Variants in SHANK1 observed in about 807,000 individuals in gnomAD.
SHANK1 encodes SH3 and multiple ankyrin repeat domains protein 1.
Under a neutral mutation model 165.6 loss-of-function variants are expected in SHANK1, and 35 were observed. That is an observed-to-expected ratio of 0.21 (90% CI 0.16 to 0.28). SHANK1 has a LOEUF of 0.28. Among genes scored for constraint, SHANK1 ranks in the 10% least tolerant of loss-of-function variants. SHANK1 has a pLI of 1.00. For missense variants in SHANK1, 2,681 were observed against 3,036.4 expected, an observed-to-expected ratio of 0.88 and a Z score of 2.75; for synonymous variants, 1,428 against 1,384.8, an observed-to-expected ratio of 1.03 and a Z score of -0.69.
Position 50,668,291 on chromosome 19 carries a change from C to T in SHANK1, c.3669G>A (p.Pro1223=), listed in dbSNP as rs1985639361. 8.4e-6 allele frequency: 11 copies of T among 1,307,346 alleles called. 1 individual carries two copies. Among genetic ancestry groups the T allele is most frequent in the Middle Eastern group, 5.7e-4 (2 of 3,520 alleles). The allele number at this position is 1,307,346 out of a possible 1,614,324, so 81.0% of individuals were successfully genotyped here. A position where few individuals can be genotyped will look rare whatever the true frequency, so the allele number is the denominator to read the frequency against. The change falls in exon 23 of 24, where the codon CCG becomes CCA. Residue 1223 remains proline (P), a synonymous_variant. Coordinates refer to ENST00000293441, the MANE Select transcript of SHANK1 (RefSeq NM_016148.5). Reference sequence around the variant, plus strand: ...ACTGGCTCGTGAAGTCCAGCGTGGCCGGGCCGCTGGGCGAGGCGGGGGTGG... The same window carrying T: ...ACTGGCTCGTGAAGTCCAGCGTGGCTGGGCCGCTGGGCGAGGCGGGGGTGG... The part of the protein sequence containing the change: ...PVPTPASPSG[P]ATLDFTSQFG...
At position 50,687,617 on chromosome 19, in the gene SHANK1, C is replaced by G; in HGVS notation, c.2354G>C (p.Arg785Pro). Residue 785 changes from arginine (R) to proline (P), a missense_variant, in exon 19 of 24, where the codon CGT becomes CCT. This residue lies in a region of SHANK1 where 206 missense variants were observed against 216.0 expected (regional missense o/e 0.95). Transcript: ENST00000293441. ...CAGCTCTGAGGTCATAGATTTGGAACGCAGGGAGATGGTTGGGGGCGGCAG... is the reference window on the plus strand; with the variant it reads ...CAGCTCTGAGGTCATAGATTTGGAAGGCAGGGAGATGGTTGGGGGCGGCAG... Reference protein sequence around the residue: ...KRLPPPTISLRSKSMTSELEE... With the variant: ...KRLPPPTISLPSKSMTSELEE... The G allele has an allele frequency of 6.5e-7, 1 of 1,539,420 alleles. No homozygotes were observed. The highest frequency in any genetic ancestry group is 8.8e-7 in the Non-Finnish European group (1 of 1,142,278).
intron 15 of SHANK1, among the ~76,000 whole-genome samples, chr19:50,693,987 C>T (rs868204688): frequency 2.0e-5 from 3 of 151,542 alleles, no homozygotes; most frequent in Non-Finnish European, 2.9e-5. Context: ...AGCACAGCCG[C>T]AGTCCCTGGG....
intron 23 of SHANK1, among the ~76,000 whole-genome samples, chr19:50,665,902 A>ATGCCTGTAATCCCAGCTACG (rs775149350): frequency 7.4e-6 from 1 of 135,648 alleles, no homozygotes; most frequent in African/African-American, 2.9e-5. Flanking sequence ...GTGTGGTGGC[A>ATGCCTGTAATCCCAGCTACG]TGGGAGGCTG....
chr19:50,711,253 G>A, intron 8 of SHANK1, 118 bp downstream of exon 8: 1 of 638,484 alleles, frequency 1.6e-6, no homozygotes, highest in Non-Finnish European at 2.8e-6. Flanking sequence ...TGAAAGGGTG[G>A]AAATAGTGAA....
In SHANK1 at chr19:50,687,646, C is replaced by G; in HGVS notation, c.2325G>C (p.Lys775Asn). Residue 775 changes from lysine (K) to asparagine (N), a missense_variant, in exon 19 of 24, where the codon AAG becomes AAC. By Grantham distance (94) the Lys-to-Asn change is moderately conservative. Coordinates refer to ENST00000293441, the MANE Select transcript of SHANK1 (RefSeq NM_016148.5). ...AVHKKAPQQA[K>N]RLPPPTISLR... is the part of the protein sequence containing the mutation. ...GGGAGATGGTTGGGGGCGGCAGCCG[C>G]TTGGCCTGCTGGGGTGCTGAAAAGG... The G allele has an allele frequency of 6.6e-7, 1 of 1,507,492 alleles. No homozygotes were observed. Among genetic ancestry groups the G allele is most frequent in the Non-Finnish European group, 8.9e-7 (1 of 1,128,388 alleles). 93.4% of individuals were successfully genotyped at this position (1,507,492 alleles called of 1,614,324 possible). A position where few individuals can be genotyped will look rare whatever the true frequency, so the allele number is the denominator to read the frequency against.
intron 23 of SHANK1, among the ~76,000 whole-genome samples, chr19:50,665,737 T>TAAAAAAAAAAAAAAGAAAAAAAAAAAAAA (rs1985465482): frequency 1.0e-5 from 1 of 98,180 alleles, no homozygotes; most frequent in Admixed American, 1.0e-4. Context: ...ACCCTGTTTC[T>TAAAAAAAAAAAAAAGAAAAAAAAAAAAAA]AAAAAAAAAA....
intron 23 of SHANK1, among the ~76,000 whole-genome samples, chr19:50,665,737 T>TTAAAAAAAAAAAAAA (rs773803965): frequency 4.1e-5 from 4 of 98,180 alleles, no homozygotes; most frequent in Admixed American, 2.1e-4. Context: ...ACCCTGTTTC[T>TTAAAAAAAAAAAAAA]AAAAAAAAAA....
In SHANK1 at chr19:50,667,080, T is replaced by C. The variant is rs1436556849; in HGVS notation, c.4880A>G (p.Tyr1627Cys). Residue 1627 changes from tyrosine (Y) to cysteine (C), a missense_variant, in exon 23 of 24, where the codon TAT becomes TGT. By Grantham distance (194) the Tyr-to-Cys change is radical. This residue lies in a region of SHANK1 where 1,713 missense variants were observed against 1,630.2 expected (regional missense o/e 1.05). Transcript: ENST00000293441. The surrounding 1 kb of genome is among the most constrained non-coding windows in gnomAD (Gnocchi z 5.7). ...LDSTASSLTS[Y>C]DSEVATLTQG... ...GGTCAGGGTGGCCACCTCGCTGTCA[T>C]AGGATGTCAGGCTGGATGCGGTGGA... is the stretch of plus-strand genomic sequence containing the variant. The C allele has an allele frequency of 1.3e-6, 2 of 1,558,038 alleles. No homozygotes were observed. The highest frequency in any genetic ancestry group is 1.3e-5 in the African/African-American group (1 of 74,220).
chr19:50,669,135 G>A lies in SHANK1; in HGVS notation c.2825C>T (p.Ser942Leu). Reference sequence around the variant, plus strand: ...CCGAGGGGAGGGGGTGAGGCGCCCTGAGGAGGAGGGGACTGGAGGTGTGCT... The same window carrying A: ...CCGAGGGGAGGGGGTGAGGCGCCCTAAGGAGGAGGGGACTGGAGGTGTGCT... ...PYSTPPVPSS[S>L]GRLTPSPRGG... The change falls in exon 23 of 24, where the codon TCA (serine) becomes TTA (leucine). Residue 942 changes from serine (S) to leucine (L), a missense_variant. By Grantham distance (145) the Ser-to-Leu change is moderately radical. Around this residue, in one of 10 missense-constraint regions of SHANK1, gnomAD observed 1,713 missense variants for 1,630.2 expected, o/e 1.05. Coordinates refer to ENST00000293441, the MANE Select transcript of SHANK1 (RefSeq NM_016148.5). 1 of 1,552,146 alleles carries A rather than the reference G, an allele frequency of 6.4e-7. No homozygotes were observed. The highest frequency in any genetic ancestry group is 1.9e-5 in the Admixed American group (1 of 51,606).
chr19:50,678,771 GA>G (rs1340331426), intron 21 of SHANK1, among the ~76,000 whole-genome samples: 18 of 75,236 alleles, frequency 2.4e-4, no homozygotes, highest in African/African-American at 5.3e-4. Flanking sequence ...AGGTCAGGGT[GA>G]TGGGGAGGGG....
chr19:50,704,670 A>G (rs1468255717), intron 8 of SHANK1, among the ~76,000 whole-genome samples, 156 bp from the exon 9 acceptor site: 2 of 152,238 alleles, frequency 1.3e-5, no homozygotes, highest in Non-Finnish European at 2.9e-5. Context: ...GGTACGGACC[A>G]GGAGCACTTT....
rs760737579 is a variant in SHANK1 at position 50,670,608 on chromosome 19, C to T, written c.2675-1323G>A. On this transcript the variant is annotated intron_variant, in intron 22 of 23. Transcript: ENST00000293441. This position sits in a 1 kb window ranked among gnomAD's most constrained non-coding sequence, Gnocchi z 4.1. The stretch of plus-strand genomic sequence containing the variant: ...TCCCCAGACCCTGCAGGATCGGGAC[C>T]CTGTCCCCCCACTGCCCTCATGTCC... 9.5e-4 allele frequency among the ~76,000 whole-genome samples: 145 copies of T among 151,952 alleles called. 2 individuals are homozygous for T. Among genetic ancestry groups the T allele is most frequent in the Non-Finnish European group, 2.8e-4 (19 of 67,944 alleles).
At chr19:50,689,448 C>T (rs1208707948) in intron 15 of SHANK1, 169 bp from the exon 16 acceptor site, 5 of 709,284 alleles carry the variant, frequency 7.0e-6, no homozygotes, top group Non-Finnish European at 1.3e-5. Context: ...TATGCTAGCC[C>T]TGATGGGCTT....
chr19:50,669,066 G>A lies in SHANK1; in HGVS notation c.2894C>T (p.Ser965Phe). ...NPGSGGPLPA[S>F]SPASFDGPSP... is the part of the protein sequence containing the mutation. The stretch of plus-strand genomic sequence containing the variant: ...GGGCCCGTCAAAGGATGCAGGGGAG[G>A]AGGCGGGGAGGGGGCCACCAGAGCC... The change falls in exon 23 of 24, where the codon TCC (serine) becomes TTC (phenylalanine). Residue 965 changes from serine (S) to phenylalanine (F), a missense_variant. Ser to Phe is a radical substitution (Grantham distance 155, BLOSUM62 -2). Coordinates refer to ENST00000293441, the MANE Select transcript of SHANK1 (RefSeq NM_016148.5). 2.7e-6 allele frequency: 3 copies of A among 1,125,198 alleles called. No individual in the cohort carries two copies. Among genetic ancestry groups the A allele is most frequent in the Non-Finnish European group, 3.7e-6 (3 of 806,812 alleles). 69.7% of individuals were successfully genotyped at this position (1,125,198 alleles called of 1,614,324 possible).
At position 50,690,913 on chromosome 19, in the gene SHANK1, TA is replaced by T. The variant is rs1200796100; in HGVS notation, c.1965-1635del. 1.3e-5 allele frequency among the ~76,000 whole-genome samples: 2 copies of T among 152,094 alleles called. No individual in the cohort carries two copies. The highest frequency in any genetic ancestry group is 2.9e-5 in the Non-Finnish European group (2 of 68,008). On this transcript the variant is annotated intron_variant, in intron 15 of 23. Transcript: ENST00000293441. This position sits in a 1 kb window ranked among gnomAD's most constrained non-coding sequence, Gnocchi z 4.9. ...CCCAGGACCCCCATGGCTCCCCTTGTAAAAATCCATACATTTGCACCATGGC... is the reference window on the plus strand; with the variant it reads ...CCCAGGACCCCCATGGCTCCCCTTGTAAAATCCATACATTTGCACCATGGC...
chr19:50,659,314 C>A lies in SHANK1; in HGVS notation c.*2651G>T. The A allele has an allele frequency of 2.0e-6, 1 of 499,160 alleles. No individual in the cohort carries two copies. Among genetic ancestry groups the A allele is most frequent in the Non-Finnish European group, 3.1e-6 (1 of 320,206 alleles). The allele number at this position is 499,160 out of a possible 1,614,324, so 30.9% of individuals were successfully genotyped here. ...GAATGACCTGGTACAAAAGCCATTTCTCTCTGCAAAATCTTGGTGGGGAGT... is the reference window on the plus strand; with the variant it reads ...GAATGACCTGGTACAAAAGCCATTTATCTCTGCAAAATCTTGGTGGGGAGT... On this transcript the variant is annotated 3_prime_UTR_variant, in exon 24 of 24. Coordinates refer to ENST00000293441, the MANE Select transcript of SHANK1 (RefSeq NM_016148.5).
chr19:50,695,371 C>T (rs940397355), intron 15 of SHANK1, among the ~76,000 whole-genome samples: 1 of 146,914 alleles, frequency 6.8e-6, no homozygotes, highest in African/African-American at 2.5e-5. Flanking sequence ...AGGCTTAACC[C>T]CTTGGCGTCC....
In SHANK1 at chr19:50,668,006, T is replaced by A; in HGVS notation, c.3954A>T (p.Arg1318=). ...TGCTGCCCCCGCCACCCCCGTAGGC[T>A]CGGCTACCGGCCCCGTAGCCGCCGT... is the stretch of plus-strand genomic sequence containing the variant. The part of the protein sequence containing the change: ...AGYGGYGAGS[R]AYGGGGGSSA... The change falls in exon 23 of 24, where the codon CGA becomes CGT. Residue 1318 remains arginine, a synonymous_variant. Coordinates refer to ENST00000293441, the MANE Select transcript of SHANK1 (RefSeq NM_016148.5). 1 of 1,473,182 alleles carries A rather than the reference T, an allele frequency of 6.8e-7. No individual in the cohort carries two copies. The highest frequency in any genetic ancestry group is 8.9e-7 in the Non-Finnish European group (1 of 1,117,870). 91.3% of individuals were successfully genotyped at this position (1,473,182 alleles called of 1,614,324 possible). A position where few individuals can be genotyped will look rare whatever the true frequency, so the allele number is the denominator to read the frequency against.
chr19:50,665,409 A>G (rs1039649804), intron 23 of SHANK1, among the ~76,000 whole-genome samples: 1 of 151,806 alleles, frequency 6.6e-6, no homozygotes, highest in Non-Finnish European at 1.5e-5. Flanking sequence ...TCTACTAAAA[A>G]TACAAAAATT....
Sources: allele counts gnomAD v4.1 joint callset (sites outside exome capture counted in the v4.1 genomes callset), GRCh38; gene constraint gnomAD v4.1.1; regional missense constraint gnomAD v4.1.1; non-coding constraint Gnocchi (gnomAD v3.1); transcripts MANE v1.5; gene names NCBI Gene and HGNC (gene_info 2026-07-23, HGNC 2026-07-21).